Variants in TIAM1 observed in about 807,000 individuals in gnomAD.
TIAM1 encodes the protein TIAM Rac1 associated GEF 1.
TIAM1 carries 65 observed loss-of-function variants against 163.5 expected under a neutral mutation model. The observed-to-expected ratio is 0.40, with a 90% CI of 0.33 to 0.49. The LOEUF (loss-of-function observed/expected upper bound fraction) is 0.49. Among genes scored for constraint, TIAM1 ranks in the 20% least tolerant of loss-of-function variants. The pLI is 0.77. For synonymous variants in TIAM1, 833 were observed against 810.1 expected, an observed-to-expected ratio of 1.03 and a Z score of -0.48; for missense variants, 1,789 against 2,044.7, an observed-to-expected ratio of 0.87 and a Z score of 2.41.
chr21:31,127,183 G>T (rs11700768), intron 25 of TIAM1, 31 bp from the exon 26 acceptor site: 47,730 of 1,598,888 alleles, frequency 0.03, 858 homozygotes, highest in South Asian at 0.036. Context: ...ATGAATCAGG[G>T]TATGTTTCAA....
chr21:31,406,434 G>A (rs2077248383), intron 2 of TIAM1, among the ~76,000 whole-genome samples: 1 of 152,058 alleles, frequency 6.6e-6, no homozygotes. Context: ...GAGGATGATA[G>A]GATTAGTTAG....
At chr21:31,318,700 GA>G (rs1275979189) in intron 2 of TIAM1, among the ~76,000 whole-genome samples, 3 of 152,042 alleles carry the variant, frequency 2.0e-5, no homozygotes, top group South Asian at 2.1e-4. Context: ...TCTGGGAGGG[GA>G]AAAAATGGAA....
intron 13 of TIAM1, among the ~76,000 whole-genome samples, chr21:31,190,188 A>G (rs1188633251): frequency 6.6e-6 from 1 of 152,142 alleles, no homozygotes; most frequent in African/African-American, 2.4e-5. Flanking sequence ...GGAGGAAAGC[A>G]TGAGCCCAGG....
rs997885132 is a variant in TIAM1, at chr21:31,120,697, A to G, written c.4447T>C (p.Trp1483Arg). The G allele has an allele frequency of 2.5e-6, 4 of 1,613,660 alleles. No individual in the cohort carries two copies. In the East Asian group the frequency reaches 6.7e-5, roughly 27 times the overall value. ...GCAAGATCAAACTGCTCCTCTACCC[A>G]TCGGTCAGTGTCCCCACCACCGGGG... The part of the protein sequence containing the change: ...QPPGGGDTDR[W>R]VEEQFDLAQY... The change falls in exon 28 of 28, where the codon TGG becomes CGG. Residue 1483 changes from tryptophan (W) to arginine (R), a missense_variant. Physicochemically the swap from Trp to Arg is moderately radical, Grantham distance 101. Transcript: ENST00000541036. This position sits in a 1 kb window ranked among gnomAD's most constrained non-coding sequence, Gnocchi z 4.2.
chr21:31,417,986 C>T (rs945342145), intron 2 of TIAM1, among the ~76,000 whole-genome samples: 1 of 152,050 alleles, frequency 6.6e-6, no homozygotes, highest in South Asian at 2.1e-4. Flanking sequence ...CACTGTGAGC[C>T]CTTCAGTTTT....
At chr21:31,224,140 A>G (rs1029715734) in intron 7 of TIAM1, among the ~76,000 whole-genome samples, 3 of 152,194 alleles carry the variant, frequency 2.0e-5, no homozygotes, top group East Asian at 1.9e-4. Flanking sequence ...TGGCAAAATA[A>G]TAACTACCTC....
At chr21:31,324,335 G>A (rs1333518798) in intron 2 of TIAM1, among the ~76,000 whole-genome samples, 30 of 152,028 alleles carry the variant, frequency 2.0e-4, no homozygotes, top group Non-Finnish European at 2.2e-4. Context: ...CCTGGGCGAC[G>A]GAGAGAAACT....
At chr21:31,327,975 C>CCT (rs1343425249) in intron 2 of TIAM1, among the ~76,000 whole-genome samples, 1 of 152,110 alleles carries the variant, frequency 6.6e-6, no homozygotes, top group African/African-American at 2.4e-5. Context: ...TGACGACCCT[C>CCT]CTCTGTCTTC....
intron 3 of TIAM1, among the ~76,000 whole-genome samples, chr21:31,269,321 ACTTTTAT>A (rs1276101912): frequency 3.9e-5 from 6 of 152,224 alleles, no homozygotes; most frequent in Admixed American, 3.9e-4. Context: ...GAAAGAAGCC[ACTTTTAT>A]CTTCAGAACT....
chr21:31,342,656 G>A (rs2076056237), intron 1 of TIAM1, among the ~76,000 whole-genome samples: 1 of 152,090 alleles, frequency 6.6e-6, no homozygotes, highest in Non-Finnish European at 1.5e-5. Flanking sequence ...GGGGTGGAGG[G>A]GCGTGAGGGA....
At chr21:31,122,060 C>T (rs2082021881) in intron 27 of TIAM1, among the ~76,000 whole-genome samples, 1 of 152,204 alleles carries the variant, frequency 6.6e-6, no homozygotes, top group African/African-American at 2.4e-5. Context: ...GCAGCCTTGA[C>T]TTCGAACCCA....
intron 2 of TIAM1, among the ~76,000 whole-genome samples, chr21:31,308,354 T>A (rs2074797349): frequency 6.6e-6 from 1 of 152,066 alleles, no homozygotes; most frequent in South Asian, 2.1e-4. Context: ...GATAATGGCA[T>A]TATCTAACTC....
In TIAM1 at chr21:31,491,823, G is replaced by A. The variant is rs961844294; in HGVS notation, c.-421-27788C>T. Reference sequence around the variant, plus strand: ...CTTCCAAAGCAATTTTTTCAAGGATGGAGGTTGGTGGGGGAGACAGTGCTA... The same window carrying A: ...CTTCCAAAGCAATTTTTTCAAGGATAGAGGTTGGTGGGGGAGACAGTGCTA... On this transcript the variant is annotated intron_variant, in intron 1 of 28. Coordinates refer to the TIAM1 transcript ENST00000286827. 3.9e-5 allele frequency among the ~76,000 whole-genome samples: 6 copies of A among 152,314 alleles called. No individual in the cohort carries two copies. The South Asian group carries it at 1.0e-3, about 26-fold the overall frequency.
At position 31,395,257 on chromosome 21, in the gene TIAM1, T is replaced by TG. The variant is rs975828494; in HGVS notation, c.-368-55836dup. Among the ~76,000 whole-genome samples, 5 of 143,636 alleles carry TG rather than the reference T, an allele frequency of 3.5e-5. No individual in the cohort carries two copies. Among genetic ancestry groups the TG allele is most frequent in the African/African-American group, 1.3e-4 (5 of 38,500 alleles). 94.2% of individuals were successfully genotyped at this position (143,636 alleles called of 152,430 possible). A position where few individuals can be genotyped will look rare whatever the true frequency, so the allele number is the denominator to read the frequency against. ...TGTCTCAAAAAAAAAAAAGAGGAGGTGGGGGGAGAACAAAACTAGTAATTG... is the reference window on the plus strand; with the variant it reads ...TGTCTCAAAAAAAAAAAAGAGGAGGTGGGGGGGAGAACAAAACTAGTAATTG... On this transcript the variant is annotated intron_variant, in intron 2 of 28. Coordinates refer to the TIAM1 transcript ENST00000286827. The surrounding 1 kb of genome is among the most constrained non-coding windows in gnomAD (Gnocchi z 7.5).
In TIAM1 at chr21:31,491,664, A is replaced by G. The variant is rs183567348; in HGVS notation, c.-421-27629T>C. Among the ~76,000 whole-genome samples, 225 of 152,362 alleles carry G rather than the reference A, an allele frequency of 1.5e-3. 2 individuals carry two copies. Among genetic ancestry groups the G allele is most frequent in the African/African-American group, 5.1e-3 (212 of 41,592 alleles). On this transcript the variant is annotated intron_variant, in intron 1 of 28. Coordinates refer to the TIAM1 transcript ENST00000286827. The stretch of plus-strand genomic sequence containing the variant: ...GATGCTTTGTGGCCATCTGAGAAGG[A>G]GCAGTGAAAGCCAGGATTCAAAAGC...
intron 2 of TIAM1, among the ~76,000 whole-genome samples, chr21:31,382,754 G>T (rs137877599): frequency 6.6e-6 from 1 of 151,976 alleles, no homozygotes; most frequent in Non-Finnish European, 1.5e-5. Flanking sequence ...CAAAAAACAC[G>T]GCAAACAAAC....
rs545389325 is a variant in TIAM1, at chr21:31,423,572, T to C, written c.-369+40411A>G. ...AATGTCCATCTTCCCCACAAGCCTG[T>C]GAGCTCTCTGCAGCCAGGGGCTGTG... On this transcript the variant is annotated intron_variant, in intron 2 of 28. Transcript: ENST00000286827. Among the ~76,000 whole-genome samples the C allele has an allele frequency of 2.0e-5, 3 of 152,122 alleles. No homozygotes were observed. In the South Asian group the frequency reaches 6.2e-4, roughly 32 times the overall value.
intron 2 of TIAM1, among the ~76,000 whole-genome samples, chr21:31,450,568 G>A (rs1262052519): frequency 6.6e-6 from 1 of 152,158 alleles, no homozygotes. Flanking sequence ...AGGCACCAGG[G>A]GGACAGGGGG....
intron 2 of TIAM1, among the ~76,000 whole-genome samples, chr21:31,406,028 CAA>C (rs1361726266): frequency 1.3e-5 from 2 of 152,062 alleles, no homozygotes; most frequent in African/African-American, 4.8e-5. Flanking sequence ...AAGACATACT[CAA>C]AGAGATTGCC....
Sources: gnomAD v4.1 joint callset for allele counts (sites outside exome capture counted in the v4.1 genomes callset) on GRCh38, gnomAD v4.1.1 for gene constraint, Gnocchi (gnomAD v3.1) non-coding constraint, MANE v1.5 for transcripts, NCBI Gene and HGNC (gene_info 2026-07-23, HGNC 2026-07-21) for gene names.